The following DSCAM variants were observed in gnomAD, a reference collection of about 807,000 sequenced individuals.
DSCAM encodes the protein cell adhesion molecule DSCAM.
A neutral mutation model predicts 217.7 loss-of-function variants in DSCAM; 47 were observed. That is an observed-to-expected ratio of 0.22 (90% CI 0.17 to 0.28). The LOEUF (loss-of-function observed/expected upper bound fraction) is 0.28, where lower values mean the gene tolerates loss of function less well. Among genes scored for constraint, DSCAM ranks in the 10% least tolerant of loss-of-function variants. DSCAM has a pLI of 1.00. For synonymous variants in DSCAM, 1,056 were observed against 1,015.3 expected (o/e 1.04, Z -0.76); for missense variants, 2,080 against 2,618.3 (o/e 0.79, Z 4.49).
chr21:40,424,386 T>C (rs973688495), intron 3 of DSCAM, among the ~76,000 whole-genome samples: 5 of 152,094 alleles, frequency 3.3e-5, no homozygotes, highest in East Asian at 1.9e-4. Flanking sequence ...CTGACACCCA[T>C]AGAGGGAACA....
Position 40,012,750 on chromosome 21 carries a change from C to A in DSCAM, c.*284G>T, listed in dbSNP as rs952663154. The A allele has an allele frequency of 1.4e-5, 3 of 211,382 alleles. No individual in the cohort carries two copies. Among genetic ancestry groups the A allele is most frequent in the Non-Finnish European group, 2.8e-5 (3 of 108,060 alleles). 13.1% of individuals were successfully genotyped at this position (211,382 alleles called of 1,614,324 possible). ...GAAGGTTTAATTAATCCCCCCCATGCACTTTTGTAGAAAATCAGTAAAAAT... is the reference window on the plus strand; with the variant it reads ...GAAGGTTTAATTAATCCCCCCCATGAACTTTTGTAGAAAATCAGTAAAAAT... On this transcript the variant is annotated 3_prime_UTR_variant, in exon 33 of 33. Transcript: ENST00000400454.
intron 3 of DSCAM, among the ~76,000 whole-genome samples, chr21:40,574,676 G>A (rs1215330541): frequency 6.7e-6 from 1 of 149,644 alleles, no homozygotes; most frequent in Non-Finnish European, 1.5e-5. Context: ...GCCAAACAAT[G>A]TCAAAAAAGA....
intron 3 of DSCAM, among the ~76,000 whole-genome samples, chr21:40,648,662 GTCT>G (rs1221683460): frequency 6.6e-6 from 1 of 151,998 alleles, no homozygotes; most frequent in Non-Finnish European, 1.5e-5. Flanking sequence ...TTTGAGTGGT[GTCT>G]TCATTTTAAC....
rs761109896 is a variant in DSCAM, at chr21:40,332,933, C to T, written c.1783+5168G>A. 3.9e-5 allele frequency among the ~76,000 whole-genome samples: 6 copies of T among 152,144 alleles called. No individual in the cohort carries two copies. The East Asian group carries it at 5.8e-4, about 15-fold the overall frequency. On this transcript the variant is annotated intron_variant, in intron 8 of 32. Coordinates refer to ENST00000400454, the MANE Select transcript of DSCAM (RefSeq NM_001389.5). ...TCTAAACACATATGCACACACTTTCCGCTATATCCAGTATTTAAAACGAAC... is the reference window on the plus strand; with the variant it reads ...TCTAAACACATATGCACACACTTTCTGCTATATCCAGTATTTAAAACGAAC...
At chr21:40,131,562 A>C (rs1173309886) in intron 19 of DSCAM, among the ~76,000 whole-genome samples, 3 of 152,148 alleles carry the variant, frequency 2.0e-5, no homozygotes, top group Non-Finnish European at 4.4e-5. Flanking sequence ...AGTAGCTGGG[A>C]TTAGAGGTGC....
intron 3 of DSCAM, among the ~76,000 whole-genome samples, chr21:40,471,424 C>A (rs1046416627): frequency 1.3e-5 from 2 of 152,180 alleles, no homozygotes; most frequent in South Asian, 2.1e-4. Flanking sequence ...ATCTTAGGTG[C>A]AGCAATTTTA....
At chr21:40,731,737 C>A (rs1018842224) in intron 1 of DSCAM, among the ~76,000 whole-genome samples, 5 of 131,038 alleles carry the variant, frequency 3.8e-5, no homozygotes, top group South Asian at 6.8e-4. Context: ...CACCCCCCCC[C>A]CCGCCCCCCG....
chr21:40,341,595 A>C (rs2074492015), intron 6 of DSCAM, among the ~76,000 whole-genome samples: 1 of 152,212 alleles, frequency 6.6e-6, no homozygotes, highest in African/African-American at 2.4e-5. Context: ...TCCTTTCAAT[A>C]AATCCACATC....
chr21:40,462,083 C>T (rs1331373683), intron 3 of DSCAM, among the ~76,000 whole-genome samples: 1 of 152,188 alleles, frequency 6.6e-6, no homozygotes, highest in African/African-American at 2.4e-5. Flanking sequence ...AAAATGACCA[C>T]AGGAAGATAA....
chr21:40,091,953 G>A (rs1601321592), intron 21 of DSCAM, among the ~76,000 whole-genome samples: 1 of 152,120 alleles, frequency 6.6e-6, no homozygotes, highest in East Asian at 1.9e-4. Context: ...GATGAGACTT[G>A]GGTGGGGACA....
intron 15 of DSCAM, among the ~76,000 whole-genome samples, chr21:40,173,697 C>T (rs941940402): frequency 2.0e-5 from 3 of 152,166 alleles, no homozygotes; most frequent in Non-Finnish European, 4.4e-5. Flanking sequence ...CCTCTCCCCT[C>T]CACCCCAGCT....
chr21:40,470,671 G>A (rs1024396169), intron 3 of DSCAM, among the ~76,000 whole-genome samples: 5 of 151,974 alleles, frequency 3.3e-5, no homozygotes, highest in Non-Finnish European at 5.9e-5. Flanking sequence ...CTCCCACCTC[G>A]GCCTCCCAAG....
intron 3 of DSCAM, among the ~76,000 whole-genome samples, chr21:40,598,270 G>C (rs1026384021): frequency 2.6e-5 from 4 of 152,246 alleles, no homozygotes; most frequent in African/African-American, 9.6e-5. Flanking sequence ...TGATCTTTTT[G>C]TAGCTTGATG....
chr21:40,097,670 G>A (rs767639995), intron 20 of DSCAM, among the ~76,000 whole-genome samples: 1 of 152,010 alleles, frequency 6.6e-6, no homozygotes, highest in African/African-American at 2.4e-5. Flanking sequence ...GGCCAGGTGC[G>A]GTGGCTCACG....
chr21:40,180,276 T>C (rs1601414398), intron 14 of DSCAM, among the ~76,000 whole-genome samples: 1 of 152,100 alleles, frequency 6.6e-6, no homozygotes, highest in Non-Finnish European at 1.5e-5. Flanking sequence ...CTGTCCAGAG[T>C]TAAACATAAA....
At chr21:40,359,565 A>G (rs2074735116) in intron 4 of DSCAM, among the ~76,000 whole-genome samples, 1 of 152,372 alleles carries the variant, frequency 6.6e-6, no homozygotes, top group Middle Eastern at 3.4e-3. Context: ...AAGTGGAAAC[A>G]ACCCAAATAT....
chr21:40,411,183 C>T (rs959590762), intron 3 of DSCAM, among the ~76,000 whole-genome samples: 2 of 128,108 alleles, frequency 1.6e-5, no homozygotes, highest in African/African-American at 5.9e-5. Flanking sequence ...TATACACACA[C>T]ACACACACAC....
chr21:40,683,964 C>A (rs1250097314), intron 3 of DSCAM, among the ~76,000 whole-genome samples: 2 of 152,000 alleles, frequency 1.3e-5, no homozygotes, highest in Middle Eastern at 3.2e-3. Context: ...CGGTGGCTCA[C>A]ACCTATAATC....
At chr21:40,830,037 A>G (rs1328564771) in intron 1 of DSCAM, among the ~76,000 whole-genome samples, 5 of 152,194 alleles carry the variant, frequency 3.3e-5, no homozygotes, top group Non-Finnish European at 7.3e-5. Context: ...TTTTCCAGAT[A>G]AGCATGGCCA....
Sources: allele counts gnomAD v4.1 joint callset (sites outside exome capture counted in the v4.1 genomes callset), GRCh38; gene constraint gnomAD v4.1.1; transcripts MANE v1.5; gene names NCBI Gene and HGNC (gene_info 2026-07-23, HGNC 2026-07-21).